Variants in DNAJC3 observed in about 807,000 individuals in gnomAD.
The protein encoded by DNAJC3 is DnaJ heat shock protein family (Hsp40) member C3.
A neutral mutation model predicts 68.6 loss-of-function variants in DNAJC3; 38 were observed. That is an observed-to-expected ratio of 0.55 (90% CI 0.43 to 0.73). The LOEUF (loss-of-function observed/expected upper bound fraction) is 0.73. Among genes scored for constraint, DNAJC3 ranks in the 30% least tolerant of loss-of-function variants. The probability of loss-of-function intolerance (pLI) is 0.00; values close to 1 mark genes in which losing one functional copy is unlikely to be tolerated. For missense variants in DNAJC3, 526 were observed against 591.9 expected (o/e 0.89, Z 1.16); for synonymous variants, 203 against 204.0 (o/e 1.00, Z 0.04).
intron 4 of DNAJC3, among the ~76,000 whole-genome samples, chr13:95,735,815 C>T (rs1368984178): frequency 1.3e-5 from 2 of 152,118 alleles, no homozygotes; most frequent in East Asian, 3.9e-4. Flanking sequence ...TGCAGAAGCT[C>T]TTTAGTTTAA....
At chr13:95,779,119 CTTTTTTTTTTT>C (rs142933580) in intron 9 of DNAJC3, among the ~76,000 whole-genome samples, 100 of 97,948 alleles carry the variant, frequency 1.0e-3, no homozygotes, top group Admixed American at 2.7e-3. Flanking sequence ...TTTCTTCTTT[CTTTTTTTTTTT>C]TTTTTTTTTT....
At chr13:95,727,368 C>G (rs185839150) in intron 4 of DNAJC3, among the ~76,000 whole-genome samples, 1 of 152,150 alleles carries the variant, frequency 6.6e-6, no homozygotes, top group African/African-American at 2.4e-5. Flanking sequence ...ATTAAAACTT[C>G]TCAGAAACAA....
intron 10 of DNAJC3, among the ~76,000 whole-genome samples, 191 bp from the exon 11 acceptor site, chr13:95,786,815 AG>A (rs1158363379): frequency 5.9e-5 from 9 of 152,352 alleles, no homozygotes; most frequent in African/African-American, 2.2e-4. Context: ...CGAGTATCCA[AG>A]GAAGCCTGAT....
chr13:95,731,599 A>C (rs1881712213), intron 4 of DNAJC3, among the ~76,000 whole-genome samples: 1 of 152,196 alleles, frequency 6.6e-6, no homozygotes, highest in South Asian at 2.1e-4. Flanking sequence ...TGTATCACAT[A>C]CTGATTTCTA....
At chr13:95,686,393 C>T (rs937929948) in intron 1 of DNAJC3, among the ~76,000 whole-genome samples, 8 of 152,220 alleles carry the variant, frequency 5.3e-5, no homozygotes, top group Non-Finnish European at 1.2e-4. Context: ...TAGTTTGTCT[C>T]TTTGCCCTGT....
chr13:95,771,893 C>G (rs1280892973), intron 9 of DNAJC3, among the ~76,000 whole-genome samples: 1 of 149,536 alleles, frequency 6.7e-6, no homozygotes, highest in Non-Finnish European at 1.5e-5. Context: ...AGTATGTTCT[C>G]TCTTGTATAA....
intron 9 of DNAJC3, among the ~76,000 whole-genome samples, chr13:95,769,712 C>A (rs1196840637): frequency 6.6e-6 from 1 of 152,222 alleles, no homozygotes; most frequent in African/African-American, 2.4e-5. Flanking sequence ...GTCATGCTTG[C>A]AGTTTTTATT....
At chr13:95,709,416 T>A in intron 2 of DNAJC3, 79 bp downstream of exon 2, 1 of 970,354 alleles carries the variant, frequency 1.0e-6, no homozygotes, top group Non-Finnish European at 1.5e-6. Flanking sequence ...AAATAACATT[T>A]AAAATAAACA....
At chr13:95,689,341 T>C (rs1880166515) in intron 1 of DNAJC3, among the ~76,000 whole-genome samples, 1 of 151,942 alleles carries the variant, frequency 6.6e-6, no homozygotes, top group Non-Finnish European at 1.5e-5. Flanking sequence ...GTTGTATGTT[T>C]CTGGGAATTT....
intron 7 of DNAJC3, 132 bp downstream of exon 7, chr13:95,760,930 G>A: frequency 7.1e-6 from 9 of 1,267,602 alleles, no homozygotes; most frequent in Non-Finnish European, 9.4e-6. Context: ...CTGGGCCTTA[G>A]CAAAACTACC....
intron 4 of DNAJC3, among the ~76,000 whole-genome samples, chr13:95,733,330 T>C (rs564834817): frequency 6.6e-6 from 1 of 152,304 alleles, no homozygotes; most frequent in Non-Finnish European, 1.5e-5. Context: ...TGGGTACATA[T>C]ATATTTAGAA....
At chr13:95,712,637 G>T (rs1184198617) in intron 2 of DNAJC3, among the ~76,000 whole-genome samples, 1 of 152,044 alleles carries the variant, frequency 6.6e-6, no homozygotes, top group Non-Finnish European at 1.5e-5. Flanking sequence ...CTCCCAAAGA[G>T]CTGGGATTAC....
intron 1 of DNAJC3, among the ~76,000 whole-genome samples, chr13:95,688,929 T>TGG (rs1173545537): frequency 0.036 from 501 of 14,042 alleles, 3 homozygotes; most frequent in African/African-American, 0.051. Context: ...ATTGTGTGGG[T>TGG]GTGTGTGTGT....
In DNAJC3 at chr13:95,740,733, C is replaced by T. The variant is rs1043069795; in HGVS notation, c.393+15481C>T. On this transcript the variant is annotated intron_variant, in intron 4 of 11. Coordinates refer to ENST00000602402, the MANE Select transcript of DNAJC3 (RefSeq NM_006260.5). ...GTCTGGCACTCCCTAGTGAGATGAA[C>T]CCGGTACCTCAGATGGAAATGCAGA... is the stretch of plus-strand genomic sequence containing the variant. Among the ~76,000 whole-genome samples the T allele has an allele frequency of 2.6e-5, 4 of 152,326 alleles. No individual in the cohort carries two copies. The East Asian group carries it at 7.7e-4, about 29-fold the overall frequency.
intron 9 of DNAJC3, among the ~76,000 whole-genome samples, chr13:95,765,900 T>A (rs972598636): frequency 3.3e-5 from 5 of 152,024 alleles, no homozygotes; most frequent in Non-Finnish European, 7.4e-5. Context: ...CTGGAAAAAA[T>A]TCTTTTCTAT....
intron 1 of DNAJC3, chr13:95,694,929 C>T (rs1053784021): frequency 1.3e-5 from 2 of 152,638 alleles, no homozygotes; most frequent in Non-Finnish European, 2.9e-5. Flanking sequence ...TATCCTCCTA[C>T]TCAACAACTA....
intron 1 of DNAJC3, among the ~76,000 whole-genome samples, chr13:95,689,804 T>C: frequency 6.6e-6 from 1 of 152,152 alleles, no homozygotes; most frequent in East Asian, 1.9e-4. Context: ...TGTTTCTGTT[T>C]TCATTTGTAT....
At chr13:95,732,089 T>A (rs1881735563) in intron 4 of DNAJC3, among the ~76,000 whole-genome samples, 1 of 152,020 alleles carries the variant, frequency 6.6e-6, no homozygotes, top group African/African-American at 2.4e-5. Context: ...TAGTATTTCG[T>A]TGAGGATGTT....
In DNAJC3 at chr13:95,733,836, T is replaced by C. The variant is rs187833065; in HGVS notation, c.393+8584T>C. Among the ~76,000 whole-genome samples the C allele has an allele frequency of 4.6e-5, 7 of 152,238 alleles. No individual in the cohort carries two copies. The East Asian group carries it at 1.3e-3, about 29-fold the overall frequency. On this transcript the variant is annotated intron_variant, in intron 4 of 11. Coordinates refer to ENST00000602402, the MANE Select transcript of DNAJC3 (RefSeq NM_006260.5). ...GTCTTCTGTCCCTTTACTTTTAGTC[T>C]TCGTGTGTCTTTACAAGTGAAGGAA...
Sources: allele counts gnomAD v4.1 joint callset (sites outside exome capture counted in the v4.1 genomes callset), GRCh38; gene constraint gnomAD v4.1.1; transcripts MANE v1.5; gene names NCBI Gene and HGNC (gene_info 2026-07-23, HGNC 2026-07-21).